The following PRRC1 variants were observed in gnomAD, a reference collection of about 807,000 sequenced individuals.
PRRC1 encodes protein PRRC1.
A neutral mutation model predicts 40.7 loss-of-function variants in PRRC1; 39 were observed. The observed-to-expected ratio is 0.96, with a 90% CI of 0.74 to 1.25. The LOEUF is 1.25. Among genes scored for constraint, PRRC1 ranks in the 50% most tolerant of loss-of-function variants. The probability of loss-of-function intolerance (pLI) is 0.00; values close to 1 mark genes in which losing one functional copy is unlikely to be tolerated. For missense variants in PRRC1, 573 were observed against 548.3 expected (o/e 1.05, Z -0.45); for synonymous variants, 175 against 193.3 (o/e 0.91, Z 0.79).
chr5:127,552,385 G>A lies in PRRC1; in HGVS notation c.*469G>A, dbSNP rs1007732321. Reference sequence around the variant, plus strand: ...TGCACACGATCTCAGGGCTGGTGCTGAGCAGCCTGCTCAACAGTCACTATA... The same window carrying A: ...TGCACACGATCTCAGGGCTGGTGCTAAGCAGCCTGCTCAACAGTCACTATA... On this transcript the variant is annotated 3_prime_UTR_variant, in exon 9 of 9. Coordinates refer to ENST00000296666, the MANE Select transcript of PRRC1 (RefSeq NM_130809.5). The A allele has an allele frequency of 1.0e-6, 1 of 999,538 alleles. No individual in the cohort carries two copies. Among genetic ancestry groups the A allele is most frequent in the African/African-American group, 1.7e-5 (1 of 57,382 alleles). 61.9% of individuals were successfully genotyped at this position (999,538 alleles called of 1,614,324 possible).
At chr5:127,540,742 CT>C (rs1442746159) in intron 7 of PRRC1, among the ~76,000 whole-genome samples, 2 of 152,090 alleles carry the variant, frequency 1.3e-5, no homozygotes, top group African/African-American at 2.4e-5. Context: ...TAAATGTTTT[CT>C]TTTGAGAAGT....
At position 127,524,900 on chromosome 5, in the gene PRRC1, T is replaced by A. The variant is rs1440123516; in HGVS notation, c.473T>A (p.Phe158Tyr). ...RAPQTPLMPS[F>Y]SAPSGTGLLP... is the part of the protein sequence containing the mutation. ...CCCCAGACACCCCTGATGCCATCATTTTCTGCACCTTCAGGAACAGGTAAT... is the reference window on the plus strand; with the variant it reads ...CCCCAGACACCCCTGATGCCATCATATTCTGCACCTTCAGGAACAGGTAAT... Residue 158 changes from phenylalanine to tyrosine, a missense_variant, in exon 3 of 9, where the codon TTT becomes TAT. By Grantham distance (22) the Phe-to-Tyr change is conservative. Transcript: ENST00000296666. The A allele has an allele frequency of 6.2e-7, 1 of 1,605,290 alleles. No homozygotes were observed. Among genetic ancestry groups the A allele is most frequent in the Non-Finnish European group, 8.5e-7 (1 of 1,174,312 alleles).
chr5:127,527,663 G>A (rs1273460342), intron 4 of PRRC1, among the ~76,000 whole-genome samples: 1 of 150,276 alleles, frequency 6.7e-6, no homozygotes, highest in African/African-American at 2.4e-5. Flanking sequence ...AGAGGCTAAG[G>A]TGGTAGGATT....
At chr5:127,521,814 A>T (rs1767466750) in intron 1 of PRRC1, among the ~76,000 whole-genome samples, 1 of 152,132 alleles carries the variant, frequency 6.6e-6, no homozygotes, top group Non-Finnish European at 1.5e-5. Context: ...TTTGCTATAT[A>T]TTCACTTTTT....
chr5:127,529,573 T>C (rs1767710233), intron 4 of PRRC1, among the ~76,000 whole-genome samples: 1 of 152,174 alleles, frequency 6.6e-6, no homozygotes, highest in Admixed American at 6.5e-5. Flanking sequence ...GATTGGAAGA[T>C]GGGGAATCAT....
Position 127,553,203 on chromosome 5 carries a change from C to G in PRRC1, c.*1287C>G, listed in dbSNP as rs1768438574. On this transcript the variant is annotated 3_prime_UTR_variant, in exon 9 of 9. Coordinates refer to ENST00000296666, the MANE Select transcript of PRRC1 (RefSeq NM_130809.5). The stretch of plus-strand genomic sequence containing the variant: ...GGCAGTTTTATAAAAGCTGTTGAAG[C>G]TCTTGTCCTGCACTGTCTTTAGGTA... 2 of 984,508 alleles carry G rather than the reference C, an allele frequency of 2.0e-6. No individual in the cohort carries two copies. Among genetic ancestry groups the G allele is most frequent in the Non-Finnish European group, 2.4e-6 (2 of 829,230 alleles). 61.0% of individuals were successfully genotyped at this position (984,508 alleles called of 1,614,324 possible).
At chr5:127,522,822 G>A (rs546047438) in intron 1 of PRRC1, among the ~76,000 whole-genome samples, 57 of 152,064 alleles carry the variant, frequency 3.7e-4, no homozygotes, top group African/African-American at 1.3e-3. Flanking sequence ...GCAGGCTGGA[G>A]TGCAGTGGTG....
intron 7 of PRRC1, among the ~76,000 whole-genome samples, chr5:127,541,352 C>G (rs2127108908): frequency 6.6e-6 from 1 of 152,268 alleles, no homozygotes; most frequent in Middle Eastern, 3.4e-3. Context: ...TGTTGTGTCT[C>G]TGCCTGGCTT....
At chr5:127,550,485 A>AT (rs1220082419) in intron 8 of PRRC1, 1 of 152,218 alleles carries the variant, frequency 6.6e-6, no homozygotes, top group Non-Finnish European at 1.5e-5. Context: ...AATATAAATG[A>AT]TTCCTCACCC....
chr5:127,550,945 A>G (rs1299316329), intron 8 of PRRC1: 1 of 152,198 alleles, frequency 6.6e-6, no homozygotes, highest in East Asian at 1.9e-4. Context: ...TGTCTCAGTT[A>G]TCTTAGTGGG....
At chr5:127,521,890 A>G (rs1767469700) in intron 1 of PRRC1, among the ~76,000 whole-genome samples, 1 of 152,022 alleles carries the variant, frequency 6.6e-6, no homozygotes, top group African/African-American at 2.4e-5. Flanking sequence ...TTTATCTGTG[A>G]CTTATTTGGG....
chr5:127,538,414 A>G (rs750552556), intron 6 of PRRC1, among the ~76,000 whole-genome samples: 14 of 152,108 alleles, frequency 9.2e-5, no homozygotes, highest in Non-Finnish European at 1.9e-4. Context: ...GATAAAAGCA[A>G]TAAACAGAAA....
intron 6 of PRRC1, among the ~76,000 whole-genome samples, chr5:127,535,723 A>G (rs1168240141): frequency 6.6e-6 from 1 of 152,202 alleles, no homozygotes; most frequent in Non-Finnish European, 1.5e-5. Flanking sequence ...CCAGGCACAT[A>G]GACCCTTTAC....
chr5:127,541,719 T>G (rs1223808745), intron 7 of PRRC1, among the ~76,000 whole-genome samples: 3 of 151,720 alleles, frequency 2.0e-5, no homozygotes, highest in African/African-American at 4.8e-5. Flanking sequence ...TCGGTGGTGA[T>G]ATCCCCTTTA....
chr5:127,520,976 T>C (rs1229904067), intron 1 of PRRC1, among the ~76,000 whole-genome samples: 1 of 152,144 alleles, frequency 6.6e-6, no homozygotes, highest in African/African-American at 2.4e-5. Context: ...TAAAATTCCT[T>C]CAAAACAGTT....
chr5:127,524,609 C>T lies in PRRC1; in HGVS notation c.182C>T (p.Pro61Leu), dbSNP rs1442939318. 5 of 1,614,026 alleles carry T rather than the reference C, an allele frequency of 3.1e-6. No individual in the cohort carries two copies. Among genetic ancestry groups the T allele is most frequent in the Middle Eastern group, 3.3e-4 (2 of 6,084 alleles). The change falls in exon 3 of 9, where the codon CCG becomes CTG. Residue 61 changes from proline to leucine, a missense_variant. Transcript: ENST00000296666. ...CCACTCGCATACTCTACTCCTCAGC[C>T]GCCCCTTCCTCCTGTGAGGCCTTCA... ...FPPLAYSTPQPPLPPVRPSAP... is the reference protein window; with the variant it reads ...FPPLAYSTPQLPLPPVRPSAP...
chr5:127,535,662 T>C (rs2127103080), intron 6 of PRRC1, among the ~76,000 whole-genome samples: 1 of 152,312 alleles, frequency 6.6e-6, no homozygotes, highest in South Asian at 2.1e-4. Context: ...TTCTGTTGTT[T>C]TATTTGAAGG....
intron 3 of PRRC1, among the ~76,000 whole-genome samples, chr5:127,525,459 A>G (rs1455493182): frequency 2.0e-5 from 3 of 152,118 alleles, no homozygotes; most frequent in Non-Finnish European, 1.5e-5. Context: ...CTTTTTGGCT[A>G]TTTAGATAAT....
chr5:127,553,484 C>G lies in PRRC1; in HGVS notation c.*1568C>G. The stretch of plus-strand genomic sequence containing the variant: ...AGGAGTAACAGGGACAGAATACTTT[C>G]TTTCTTTCCTTCAAGTACAAGAAGG... On this transcript the variant is annotated 3_prime_UTR_variant, in exon 9 of 9. Coordinates refer to ENST00000296666, the MANE Select transcript of PRRC1 (RefSeq NM_130809.5). The G allele has an allele frequency of 7.0e-6, 8 of 1,138,808 alleles. No individual in the cohort carries two copies. Among genetic ancestry groups the G allele is most frequent in the Non-Finnish European group, 8.7e-6 (8 of 922,996 alleles). The allele number at this position is 1,138,808 out of a possible 1,614,324, so 70.5% of individuals were successfully genotyped here. A position where few individuals can be genotyped will look rare whatever the true frequency, so the allele number is the denominator to read the frequency against.
Sources: gnomAD v4.1 joint callset for allele counts (sites outside exome capture counted in the v4.1 genomes callset) on GRCh38, gnomAD v4.1.1 for gene constraint, MANE v1.5 for transcripts, NCBI Gene and HGNC (gene_info 2026-07-23, HGNC 2026-07-21) for gene names.